PSD3: variants seen among roughly 807,000 people sequenced by gnomAD.
PSD3 encodes pleckstrin and Sec7 domain containing 3.
A neutral mutation model predicts 105.5 loss-of-function variants in PSD3; 49 were observed. The ratio of observed to expected loss-of-function variants is 0.46; its 90% confidence interval spans 0.37 to 0.59. The LOEUF is 0.59. Among genes scored for constraint, PSD3 ranks in the 20% least tolerant of loss-of-function variants. The pLI, the probability that PSD3 is intolerant of heterozygous loss-of-function variation, is 0.00. For missense variants in PSD3, 1,561 were observed against 1,263.8 expected, an observed-to-expected ratio of 1.24 and a Z score of -3.57; for synonymous variants, 557 against 457.8, an observed-to-expected ratio of 1.22 and a Z score of -2.77.
intron 1 of PSD3, among the ~76,000 whole-genome samples, chr8:19,050,760 A>G (rs7831297): frequency 0.44 from 66,475 of 151,932 alleles, 16,240 homozygotes; most frequent in Non-Finnish European, 0.56. Flanking sequence ...TGGGTGCAGC[A>G]CACCAGCATG....
intron 1 of PSD3, among the ~76,000 whole-genome samples, chr8:19,072,190 C>T (rs1179999243): frequency 1.3e-5 from 2 of 151,880 alleles, no homozygotes; most frequent in East Asian, 1.9e-4. Context: ...CAGCCTCCAC[C>T]TCCTGGGTTC....
chr8:19,007,264 TAGAGAG>T lies in PSD3; in HGVS notation c.21+6293_21+6298del, dbSNP rs139766444. Among the ~76,000 whole-genome samples the T allele has an allele frequency of 2.8e-5, 4 of 144,338 alleles. No individual in the cohort carries two copies. The South Asian group carries it at 7.0e-4, about 25-fold the overall frequency. The allele number at this position is 144,338 out of a possible 152,430, so 94.7% of individuals were successfully genotyped here. A position where few individuals can be genotyped will look rare whatever the true frequency, so the allele number is the denominator to read the frequency against. On this transcript the variant is annotated intron_variant, in intron 1 of 15. Coordinates refer to ENST00000327040, the MANE Select transcript of PSD3 (RefSeq NM_015310.4). ...GAGACCCTGTCTCAAAAAAAATAAATAGAGAGAGAGTGAGAAATGACAGCCCAGGAC... is the reference window on the plus strand; with the variant it reads ...GAGACCCTGTCTCAAAAAAAATAAATAGAGTGAGAAATGACAGCCCAGGAC...
At chr8:18,770,655 G>C (rs1242087926) in intron 8 of PSD3, among the ~76,000 whole-genome samples, 1 of 152,246 alleles carries the variant, frequency 6.6e-6, no homozygotes, top group Non-Finnish European at 1.5e-5. Flanking sequence ...TGGTCCCGCA[G>C]CAACATCTGG....
At chr8:18,598,663 A>T (rs1804216825) in intron 12 of PSD3, among the ~76,000 whole-genome samples, 1 of 152,124 alleles carries the variant, frequency 6.6e-6, no homozygotes, top group Non-Finnish European at 1.5e-5. Context: ...AAACCCAAAG[A>T]TTCCCCAAAA....
intron 9 of PSD3, among the ~76,000 whole-genome samples, chr8:18,671,297 T>C (rs746581120): frequency 1.3e-5 from 2 of 152,192 alleles, no homozygotes; most frequent in Non-Finnish European, 2.9e-5. Flanking sequence ...AAATGCAAGA[T>C]GCTCACTTAA....
At chr8:18,637,345 T>C (rs529943205) in intron 10 of PSD3, among the ~76,000 whole-genome samples, 2 of 152,350 alleles carry the variant, frequency 1.3e-5, no homozygotes, top group African/African-American at 4.8e-5. Flanking sequence ...ATAAGCATTT[T>C]TGAAAATGCA....
At chr8:18,800,733 G>C (rs2129447304) in intron 7 of PSD3, among the ~76,000 whole-genome samples, 1 of 152,310 alleles carries the variant, frequency 6.6e-6, no homozygotes, top group Non-Finnish European at 1.5e-5. Flanking sequence ...TTTGTGGTCA[G>C]TATAGTACAA....
intron 1 of PSD3, among the ~76,000 whole-genome samples, chr8:18,964,074 G>C (rs1047324939): frequency 6.6e-6 from 1 of 152,116 alleles, no homozygotes; most frequent in Non-Finnish European, 1.5e-5. Flanking sequence ...ATTAAAGTAA[G>C]AGTTACAAGA....
Position 18,535,682 on chromosome 8 carries a change from G to T in PSD3, c.*61C>A. 7.4e-7 allele frequency: 1 copy of T among 1,352,454 alleles called. No individual in the cohort carries two copies. Among genetic ancestry groups the T allele is most frequent in the Non-Finnish European group, 1.1e-6 (1 of 949,150 alleles). The allele number at this position is 1,352,454 out of a possible 1,614,324, so 83.8% of individuals were successfully genotyped here. A position where few individuals can be genotyped will look rare whatever the true frequency, so the allele number is the denominator to read the frequency against. On this transcript the variant is annotated 3_prime_UTR_variant, in exon 16 of 16. Transcript: ENST00000327040. ...TTTTAAATATATTCACGGATTACCA[G>T]AAAGATCTTGAAAAACCCTATTTTG...
rs866241470 is a variant in PSD3 at position 18,725,794 on chromosome 8, G to A, written c.2172+39655C>T. Among the ~76,000 whole-genome samples the A allele has an allele frequency of 2.6e-5, 4 of 152,286 alleles. No homozygotes were observed. The Middle Eastern group carries it at 0.01, about 388-fold the overall frequency. ...AATACCAAATAAGATATAATGCAGA[G>A]ACTCTAGGCAACTCCCGAAGAAACA... is the stretch of plus-strand genomic sequence containing the variant. On this transcript the variant is annotated intron_variant, in intron 9 of 15. Coordinates refer to ENST00000327040, the MANE Select transcript of PSD3 (RefSeq NM_015310.4).
chr8:18,687,272 T>C (rs1800709595), intron 9 of PSD3, among the ~76,000 whole-genome samples: 1 of 152,054 alleles, frequency 6.6e-6, no homozygotes, highest in South Asian at 2.1e-4. Context: ...AAGACCAACC[T>C]GGGCAAAACA....
chr8:18,836,163 G>C (rs1273776198), intron 4 of PSD3, among the ~76,000 whole-genome samples: 1 of 152,152 alleles, frequency 6.6e-6, no homozygotes, highest in Non-Finnish European at 1.5e-5. Context: ...AGGTGCTGGA[G>C]ACTCCCGCAT....
intron 10 of PSD3, among the ~76,000 whole-genome samples, chr8:18,639,368 A>G (rs1014800889): frequency 6.6e-6 from 1 of 152,064 alleles, no homozygotes; most frequent in African/African-American, 2.4e-5. Flanking sequence ...ATGTTTCCCT[A>G]AGAAAACAAG....
intron 12 of PSD3, among the ~76,000 whole-genome samples, chr8:18,582,924 C>T (rs1378250052): frequency 6.7e-6 from 1 of 149,476 alleles, no homozygotes; most frequent in Non-Finnish European, 1.5e-5. Context: ...CTCCTGGGTT[C>T]AAGCAATTCT....
chr8:18,662,143 T>TG (rs1809394231), intron 9 of PSD3, among the ~76,000 whole-genome samples: 1 of 152,178 alleles, frequency 6.6e-6, no homozygotes, highest in Non-Finnish European at 1.5e-5. Context: ...CATGAATAGA[T>TG]GTCCCAGCAC....
At chr8:18,784,901 T>A (rs1055254545) in intron 8 of PSD3, among the ~76,000 whole-genome samples, 5 of 152,152 alleles carry the variant, frequency 3.3e-5, no homozygotes, top group African/African-American at 1.2e-4. Context: ...TCAGTGGTAT[T>A]AACTAAACCT....
intron 15 of PSD3, among the ~76,000 whole-genome samples, chr8:18,541,752 CTTT>C (rs111558567): frequency 2.1e-5 from 3 of 141,522 alleles, no homozygotes; most frequent in Non-Finnish European, 1.6e-5. Flanking sequence ...TTCTGAGAAT[CTTT>C]TTTTTTTTTT....
intron 2 of PSD3, among the ~76,000 whole-genome samples, chr8:18,907,289 T>A (rs1485991522): frequency 6.6e-6 from 1 of 152,162 alleles, no homozygotes; most frequent in Non-Finnish European, 1.5e-5. Context: ...CCAAGCATGG[T>A]AAATGCCCTA....
Position 18,758,897 on chromosome 8 carries a change from T to C in PSD3, c.2172+6552A>G, listed in dbSNP as rs371959415. Among the ~76,000 whole-genome samples, 7 of 152,248 alleles carry C rather than the reference T, an allele frequency of 4.6e-5. No homozygotes were observed. In the East Asian group the frequency reaches 7.7e-4, roughly 17 times the overall value. On this transcript the variant is annotated intron_variant, in intron 9 of 15. Transcript: ENST00000327040. ...CTAAGAGAATCTTGCCTAAACTCTG[T>C]CCTTTGAGAAAGCAAGGGAAAACAA...
Sources: allele counts gnomAD v4.1 joint callset (sites outside exome capture counted in the v4.1 genomes callset), GRCh38; gene constraint gnomAD v4.1.1; transcripts MANE v1.5; gene names NCBI Gene and HGNC (gene_info 2026-07-23, HGNC 2026-07-21).